Variants in ALG5 observed in about 807,000 individuals in gnomAD.
ALG5 encodes ALG5 dolichyl-phosphate beta-glucosyltransferase.
ALG5 carries 26 observed loss-of-function variants against 51.8 expected under a neutral mutation model. The ratio of observed to expected loss-of-function variants is 0.50; its 90% CI spans 0.37 to 0.70. ALG5 has a LOEUF of 0.70. Ranked by LOEUF, ALG5 falls within the 30% of genes least tolerant of loss-of-function variation. ALG5 has a pLI of 0.00. For missense variants in ALG5, 311 were observed against 399.3 expected (o/e 0.78, Z 1.88); for synonymous variants, 141 against 136.1 (o/e 1.04, Z -0.25).
intron 8 of ALG5, among the ~76,000 whole-genome samples, chr13:36,960,920 T>C (rs1038394521): frequency 3.3e-5 from 5 of 151,876 alleles, no homozygotes; most frequent in Admixed American, 1.3e-4. Context: ...GCTAGGATTA[T>C]AGGTGTGAAC....
chr13:36,989,705 C>G (rs1241235599), intron 4 of ALG5, 129 bp from the exon 5 acceptor site: 2 of 643,314 alleles, frequency 3.1e-6, no homozygotes, highest in Non-Finnish European at 5.3e-6. Flanking sequence ...GTTACACCCA[C>G]TGTACATTCT....
chr13:36,988,753 C>T (rs1241289196), intron 5 of ALG5, among the ~76,000 whole-genome samples: 2 of 152,184 alleles, frequency 1.3e-5, no homozygotes, highest in Non-Finnish European at 1.5e-5. Flanking sequence ...ATGGCTAGTG[C>T]TCCAGGAGTC....
intron 7 of ALG5, among the ~76,000 whole-genome samples, chr13:36,968,512 T>C (rs1175017071): frequency 6.6e-6 from 1 of 152,196 alleles, no homozygotes; most frequent in East Asian, 1.9e-4. Context: ...ATATAAACAT[T>C]ACCGTTATAC....
Position 36,974,722 on chromosome 13 carries a change from C to G in ALG5, c.562-2686G>C, listed in dbSNP as rs532339569. On this transcript the variant is annotated intron_variant, in intron 6 of 9. Transcript: ENST00000239891. ...CTTGTTCTATGTAAAGCCCCCCCAC[C>G]ACCATCCCACCCAACCTGGGATTAT... Among the ~76,000 whole-genome samples, 240 of 151,920 alleles carry G rather than the reference C, an allele frequency of 1.6e-3. 1 individual carries two copies. The highest frequency in any genetic ancestry group is 5.5e-3 in the African/African-American group (227 of 41,406).
At position 36,949,910 on chromosome 13, in the gene ALG5, G is replaced by C. The variant is rs145141807; in HGVS notation, c.*32C>G. The C allele has an allele frequency of 3.9e-4, 535 of 1,360,218 alleles. 2 individuals are homozygous for C. In the African/African-American group the frequency reaches 7.1e-3, roughly 18 times the overall value. The allele number at this position is 1,360,218 out of a possible 1,614,324, so 84.3% of individuals were successfully genotyped here. On this transcript the variant is annotated 3_prime_UTR_variant, in exon 10 of 10. Coordinates refer to ENST00000239891, the MANE Select transcript of ALG5 (RefSeq NM_013338.5). ...AAATGAAATGAAATGTGACACTGAA[G>C]CATAAGAACACAACTGAAGACTGCA...
intron 8 of ALG5, among the ~76,000 whole-genome samples, chr13:36,958,286 A>G (rs1452843956): frequency 6.6e-6 from 1 of 152,086 alleles, no homozygotes; most frequent in Non-Finnish European, 1.5e-5. Context: ...TGATGCCCCA[A>G]TGTATAGGAG....
intron 8 of ALG5, 61 bp downstream of exon 8, chr13:36,965,514 C>CAT: frequency 6.7e-7 from 1 of 1,503,540 alleles, no homozygotes; most frequent in Non-Finnish European, 9.0e-7. Context: ...GGCTGTTTCT[C>CAT]ATTACCTAGA....
intron 5 of ALG5, among the ~76,000 whole-genome samples, chr13:36,987,158 C>T (rs745695218): frequency 8.5e-5 from 13 of 152,192 alleles, no homozygotes; most frequent in Admixed American, 2.0e-4. Context: ...CACTCACATC[C>T]TCTCTCCTAG....
At chr13:36,977,012 T>C (rs2058955122) in intron 6 of ALG5, among the ~76,000 whole-genome samples, 1 of 152,178 alleles carries the variant, frequency 6.6e-6, no homozygotes, top group Non-Finnish European at 1.5e-5. Flanking sequence ...AAATACCATG[T>C]AATTTAACTA....
chr13:36,992,028 C>T (rs1198942200), intron 4 of ALG5, among the ~76,000 whole-genome samples: 2 of 152,168 alleles, frequency 1.3e-5, no homozygotes, highest in Non-Finnish European at 2.9e-5. Flanking sequence ...ATGCGTGAGA[C>T]TGAAAATGAT....
intron 8 of ALG5, among the ~76,000 whole-genome samples, chr13:36,957,937 T>C (rs1371680009): frequency 6.6e-6 from 1 of 152,148 alleles, no homozygotes; most frequent in Non-Finnish European, 1.5e-5. Context: ...AGTCCTTTTA[T>C]CTACCCCAAC....
chr13:36,980,035 A>T (rs2058972751), intron 6 of ALG5, among the ~76,000 whole-genome samples: 1 of 152,196 alleles, frequency 6.6e-6, no homozygotes, highest in Non-Finnish European at 1.5e-5. Context: ...TGACAGAATG[A>T]GACCTTGTCT....
chr13:36,949,768 C>A lies in ALG5; in HGVS notation c.*174G>T, dbSNP rs967946119. ...TTTTAAATAAACATCTTTTAAAAAT[C>A]ATTTATATCCAAAGAGATATATAAT... On this transcript the variant is annotated 3_prime_UTR_variant, in exon 10 of 10. Coordinates refer to ENST00000239891, the MANE Select transcript of ALG5 (RefSeq NM_013338.5). The A allele has an allele frequency of 4.7e-6, 2 of 428,530 alleles. No homozygotes were observed. The highest frequency in any genetic ancestry group is 2.0e-5 in the African/African-American group (1 of 49,168). 26.5% of individuals were successfully genotyped at this position (428,530 alleles called of 1,614,324 possible). A position where few individuals can be genotyped will look rare whatever the true frequency, so the allele number is the denominator to read the frequency against.
intron 1 of ALG5, among the ~76,000 whole-genome samples, chr13:36,996,493 T>C (rs1375623487): frequency 6.6e-6 from 1 of 152,180 alleles, no homozygotes; most frequent in Admixed American, 6.5e-5. Context: ...AGGGCTGTGC[T>C]GAAAGGACAA....
chr13:36,972,059 T>G, intron 6 of ALG5, 23 bp from the exon 7 acceptor site: 2 of 1,537,046 alleles, frequency 1.3e-6, no homozygotes, highest in Non-Finnish European at 1.8e-6. Context: ...GCAGAGATAG[T>G]TTTTCAATAT....
At chr13:36,995,658 T>C in intron 1 of ALG5, 62 bp from the exon 2 acceptor site, 1 of 1,471,454 alleles carries the variant, frequency 6.8e-7, no homozygotes, top group Non-Finnish European at 9.3e-7. Flanking sequence ...CTTTTCTGTA[T>C]TTATGTTAGA....
At chr13:36,972,799 T>C (rs899803557) in intron 6 of ALG5, among the ~76,000 whole-genome samples, 16 of 152,036 alleles carry the variant, frequency 1.1e-4, no homozygotes, top group Admixed American at 5.9e-4. Flanking sequence ...GAGATCATCC[T>C]GGCTAACACA....
chr13:36,998,224 A>C (rs1425255201), intron 1 of ALG5, among the ~76,000 whole-genome samples: 1 of 152,080 alleles, frequency 6.6e-6, no homozygotes, highest in Non-Finnish European at 1.5e-5. Flanking sequence ...TCAATCAATC[A>C]ATCCTGGTTT....
At chr13:36,981,828 C>T (rs111904510) in intron 6 of ALG5, among the ~76,000 whole-genome samples, 4,472 of 151,968 alleles carry the variant, frequency 0.029, 94 homozygotes, top group Non-Finnish European at 0.045. Context: ...TGGTTCATGC[C>T]TGTAATCCCA....
Sources: allele counts gnomAD v4.1 joint callset (sites outside exome capture counted in the v4.1 genomes callset), GRCh38; gene constraint gnomAD v4.1.1; transcripts MANE v1.5; gene names NCBI Gene and HGNC (gene_info 2026-07-23, HGNC 2026-07-21).